Variants in HS1BP3 observed in about 807,000 individuals in gnomAD.
HS1BP3 encodes HCLS1-binding protein 3.
HS1BP3 carries 32 observed loss-of-function variants against 33.5 expected under a neutral mutation model. The ratio of observed to expected loss-of-function variants is 0.95; its 90% CI spans 0.72 to 1.28. HS1BP3 has a LOEUF of 1.28. HS1BP3 is among the 50% of genes most tolerant of loss of function. HS1BP3 has a pLI of 0.00. For missense variants in HS1BP3, 486 were observed against 502.3 expected (o/e 0.97, Z 0.31); for synonymous variants, 187 against 209.2 (o/e 0.89, Z 0.92).
chr2:20,570,178 G>A (rs1479948105), intron 5 of HS1BP3, among the ~76,000 whole-genome samples: 1 of 46,168 alleles, frequency 2.2e-5, no homozygotes, highest in Non-Finnish European at 4.9e-5. Context: ...CGTTTGAAAA[G>A]AGAGTTTTTT....
At chr2:20,609,134 C>G (rs897318862) in intron 2 of HS1BP3, among the ~76,000 whole-genome samples, 1 of 152,224 alleles carries the variant, frequency 6.6e-6, no homozygotes, top group African/African-American at 2.4e-5. Flanking sequence ...CTCTGTGGCT[C>G]TCCACCCATG....
chr2:20,644,325 G>A (rs1284436977), intron 2 of HS1BP3, among the ~76,000 whole-genome samples: 1 of 152,014 alleles, frequency 6.6e-6, no homozygotes, highest in Non-Finnish European at 1.5e-5. Context: ...CTGAACCCCT[G>A]GCATCCTCAG....
chr2:20,648,548 G>A (rs1695587514), intron 1 of HS1BP3, among the ~76,000 whole-genome samples: 1 of 152,144 alleles, frequency 6.6e-6, no homozygotes. Context: ...GCCCACCCTG[G>A]CCACTCTTGC....
intron 3 of HS1BP3, 70 bp from the exon 4 acceptor site, chr2:20,638,722 TG>T: frequency 8.2e-7 from 1 of 1,213,732 alleles, no homozygotes. Context: ...CTTGCCACAC[TG>T]CACCCTCCCA....
chr2:20,566,763 T>C (rs1809133), intron 5 of HS1BP3, among the ~76,000 whole-genome samples: 123,418 of 151,890 alleles, frequency 0.81, 52,545 homozygotes, highest in Non-Finnish European at 0.93. Context: ...CACACCACCA[T>C]GCCCAGCTAA....
At chr2:20,598,523 C>T (rs956087357) in intron 2 of HS1BP3, among the ~76,000 whole-genome samples, 4 of 144,142 alleles carry the variant, frequency 2.8e-5, no homozygotes, top group African/African-American at 1.0e-4. Context: ...TCCTAACAGG[C>T]CAGGGACCGG....
rs1332989808 is a variant in HS1BP3 at position 20,651,049 on chromosome 2, C to A, written c.15G>T (p.Ala5=). Residue 5 remains alanine (A), a synonymous_variant, in exon 1 of 7, where the codon GCG becomes GCT. Coordinates refer to ENST00000304031, the MANE Select transcript of HS1BP3 (RefSeq NM_022460.4). MQSP[A]VLVTSRRLQN... The stretch of plus-strand genomic sequence containing the variant: ...TGGCTCACCTGGAGGTGACGAGCAC[C>A]GCCGGGGACTGCATGACGGCGGCGG... 4.8e-6 allele frequency: 6 copies of A among 1,239,574 alleles called. No individual in the cohort carries two copies. Among genetic ancestry groups the A allele is most frequent in the Non-Finnish European group, 6.0e-6 (6 of 992,456 alleles). 76.8% of individuals were successfully genotyped at this position (1,239,574 alleles called of 1,614,324 possible). A position where few individuals can be genotyped will look rare whatever the true frequency, so the allele number is the denominator to read the frequency against.
rs10199240 is a variant in HS1BP3, at chr2:20,577,004, C to T, written c.303-16489G>A. Among the ~76,000 whole-genome samples the T allele has an allele frequency of 7.2e-5, 11 of 152,230 alleles. No individual in the cohort carries two copies. In the East Asian group the frequency reaches 1.3e-3, roughly 19 times the overall value. On this transcript the variant is annotated intron_variant, in intron 5 of 5. Transcript: ENST00000446825. Reference sequence around the variant, plus strand: ...CTAGGATGGATGGTTCCTGGGAATGCCCTGGGAATTTACCTGGGAAGAGTA... The same window carrying T: ...CTAGGATGGATGGTTCCTGGGAATGTCCTGGGAATTTACCTGGGAAGAGTA...
chr2:20,621,492 T>C (rs1198280182), intron 6 of HS1BP3, among the ~76,000 whole-genome samples: 1 of 152,224 alleles, frequency 6.6e-6, no homozygotes, highest in African/African-American at 2.4e-5. Context: ...TCATGGCCAG[T>C]CTGCTCCTGG....
In HS1BP3 at chr2:20,618,750, A is replaced by G; in HGVS notation, c.*237T>C. On this transcript the variant is annotated 3_prime_UTR_variant, in exon 7 of 7. Coordinates refer to ENST00000304031, the MANE Select transcript of HS1BP3 (RefSeq NM_022460.4). ...CTCCCCTTCATGTCCACGGGGAATA[A>G]GACACATTGGGCTCTGGCTCCTAGG... 7.5e-7 allele frequency: 1 copy of G among 1,341,942 alleles called. No individual in the cohort carries two copies. The allele number at this position is 1,341,942 out of a possible 1,614,324, so 83.1% of individuals were successfully genotyped here. A position where few individuals can be genotyped will look rare whatever the true frequency, so the allele number is the denominator to read the frequency against.
chr2:20,556,513 G>A (rs1692845672), downstream of HS1BP3, among the ~76,000 whole-genome samples: 1 of 152,210 alleles, frequency 6.6e-6, no homozygotes, highest in Non-Finnish European at 1.5e-5. Flanking sequence ...ATATGATCAA[G>A]GTTACCGCAT....
intron 3 of HS1BP3, chr2:20,640,543 G>A (rs1695305394): frequency 2.3e-6 from 1 of 429,958 alleles, no homozygotes; most frequent in Non-Finnish European, 4.1e-6. Context: ...GTCCCCAGGG[G>A]CAGGTCACCA....
chr2:20,598,967 G>T (rs1694010038), intron 2 of HS1BP3, among the ~76,000 whole-genome samples: 1 of 152,192 alleles, frequency 6.6e-6, no homozygotes, highest in South Asian at 2.1e-4. Context: ...CTGACAAGGG[G>T]TCCCGGGAGG....
chr2:20,649,848 G>C (rs969270599), intron 1 of HS1BP3, among the ~76,000 whole-genome samples: 5 of 152,184 alleles, frequency 3.3e-5, no homozygotes, highest in Non-Finnish European at 5.9e-5. Context: ...GCCACGTCCA[G>C]GCTGTGCAGC....
At chr2:20,649,825 C>T (rs1279674352) in intron 1 of HS1BP3, among the ~76,000 whole-genome samples, 1 of 152,212 alleles carries the variant, frequency 6.6e-6, no homozygotes, top group African/African-American at 2.4e-5. Flanking sequence ...AGCGCCCCCA[C>T]ATCTGTTAAC....
intron 2 of HS1BP3, among the ~76,000 whole-genome samples, chr2:20,610,314 G>A (rs1436059133): frequency 5.3e-5 from 8 of 152,120 alleles, no homozygotes; most frequent in Admixed American, 5.2e-4. Flanking sequence ...GATCCACCAT[G>A]AGAGTATCAT....
Position 20,601,518 on chromosome 2 carries a change from C to T in HS1BP3, c.179-3253G>A, listed in dbSNP as rs1572324467. Reference sequence around the variant, plus strand: ...ATTCCCACATGCTGTGGGAGGGACCCGGTGGGAGGTAATTGAATCATGGGG... The same window carrying T: ...ATTCCCACATGCTGTGGGAGGGACCTGGTGGGAGGTAATTGAATCATGGGG... On this transcript the variant is annotated intron_variant, in intron 2 of 3. Transcript: ENST00000415264. Among the ~76,000 whole-genome samples the T allele has an allele frequency of 2.0e-5, 3 of 152,072 alleles. No individual in the cohort carries two copies. The South Asian group carries it at 6.2e-4, about 32-fold the overall frequency.
Position 20,573,590 on chromosome 2 carries a change from G to A in HS1BP3, c.303-13075C>T, listed in dbSNP as rs568662365. ...CTGGGCCAACAGCTCTAAAGGAGTC[G>A]CAGCCTCCCGGGCCTTTGCTTCCAG... On this transcript the variant is annotated intron_variant, in intron 5 of 5. Coordinates refer to the HS1BP3 transcript ENST00000446825. Among the ~76,000 whole-genome samples, 10 of 152,282 alleles carry A rather than the reference G, an allele frequency of 6.6e-5. No individual in the cohort carries two copies. The South Asian group carries it at 1.7e-3, about 25-fold the overall frequency.
chr2:20,624,979 G>C, intron 4 of HS1BP3, 87 bp from the exon 5 acceptor site: 2 of 1,467,520 alleles, frequency 1.4e-6, no homozygotes, highest in Non-Finnish European at 1.9e-6. Flanking sequence ...GCTGGGCCCT[G>C]CAGTGGAGGG....
Sources: allele counts gnomAD v4.1 joint callset (sites outside exome capture counted in the v4.1 genomes callset), GRCh38; gene constraint gnomAD v4.1.1; transcripts MANE v1.5; gene names NCBI Gene and HGNC (gene_info 2026-07-23, HGNC 2026-07-21).